The following FBXO36 variants were observed in gnomAD, a reference collection of about 807,000 sequenced individuals.
The protein encoded by FBXO36 is F-box protein 36.
A neutral mutation model predicts 17.0 loss-of-function variants in FBXO36; 18 were observed. The observed-to-expected ratio is 1.06, with a 90% CI of 0.73 to 1.57. The LOEUF is 1.57. FBXO36 is among the 40% of genes most tolerant of loss of function. The pLI is 0.00. For missense variants in FBXO36, 229 were observed against 221.9 expected (o/e 1.03, Z -0.20); for synonymous variants, 83 against 85.3 (o/e 0.97, Z 0.15).
chr2:229,982,028 G>T (rs1455107559), intron 2 of FBXO36, among the ~76,000 whole-genome samples: 8 of 144,466 alleles, frequency 5.5e-5, no homozygotes, highest in East Asian at 2.0e-4. Context: ...TTTTGTTTTT[G>T]TTTTTTTTTT....
chr2:229,945,928 A>G (rs771252640), intron 1 of FBXO36, among the ~76,000 whole-genome samples: 1 of 151,702 alleles, frequency 6.6e-6, no homozygotes, highest in Non-Finnish European at 1.5e-5. Flanking sequence ...AGGCTGAGGC[A>G]GGAGAGTCCC....
intron 1 of FBXO36, among the ~76,000 whole-genome samples, chr2:229,931,918 A>ATTTTTTTT (rs11441584): frequency 1.4e-5 from 2 of 142,770 alleles, no homozygotes; most frequent in Non-Finnish European, 3.0e-5. Context: ...ATATGTGTAT[A>ATTTTTTTT]TATTTTTTTT....
intron 3 of FBXO36, among the ~76,000 whole-genome samples, chr2:230,009,672 C>T (rs554672388): frequency 1.6e-4 from 25 of 152,210 alleles, no homozygotes; most frequent in African/African-American, 5.5e-4. Context: ...CGGCCGGGCA[C>T]GGTGGCTCAC....
At chr2:229,944,071 A>G (rs1378027230) in intron 1 of FBXO36, among the ~76,000 whole-genome samples, 1 of 152,026 alleles carries the variant, frequency 6.6e-6, no homozygotes, top group Non-Finnish European at 1.5e-5. Context: ...ATGATTGTTA[A>G]GTTTCCAGAG....
chr2:229,996,695 A>G (rs1472962181), intron 2 of FBXO36, 56 bp from the exon 3 acceptor site: 1 of 1,513,812 alleles, frequency 6.6e-7, no homozygotes, highest in Non-Finnish European at 8.9e-7. Flanking sequence ...ACTGATTGTT[A>G]TTATAATTTT....
At chr2:229,927,852 G>A (rs985530531) in intron 1 of FBXO36, among the ~76,000 whole-genome samples, 2 of 152,024 alleles carry the variant, frequency 1.3e-5, no homozygotes, top group African/African-American at 2.4e-5. Context: ...AACACCTGAG[G>A]TTGCATGCCA....
At chr2:230,004,678 T>G (rs2077377663) in intron 3 of FBXO36, among the ~76,000 whole-genome samples, 1 of 152,206 alleles carries the variant, frequency 6.6e-6, no homozygotes, top group Non-Finnish European at 1.5e-5. Context: ...ATCTGTTTTT[T>G]TTTCTACTTC....
At chr2:229,932,490 A>C (rs2076943788) in intron 1 of FBXO36, among the ~76,000 whole-genome samples, 1 of 152,034 alleles carries the variant, frequency 6.6e-6, no homozygotes, top group Non-Finnish European at 1.5e-5. Context: ...ATTGCACTCC[A>C]GCCTAGGCAA....
At chr2:230,001,901 T>C (rs1185960151) in intron 3 of FBXO36, among the ~76,000 whole-genome samples, 1 of 152,176 alleles carries the variant, frequency 6.6e-6, no homozygotes, top group Non-Finnish European at 1.5e-5. Context: ...AACTGCAATC[T>C]CCGCCTCCCA....
intron 2 of FBXO36, among the ~76,000 whole-genome samples, chr2:229,996,155 A>G (rs2077326028): frequency 6.6e-6 from 1 of 151,874 alleles, no homozygotes; most frequent in Non-Finnish European, 1.5e-5. Flanking sequence ...GCACACACCA[A>G]TAGTCCCAGC....
intron 1 of FBXO36, among the ~76,000 whole-genome samples, chr2:229,963,445 T>TA (rs1244248792): frequency 8.4e-6 from 1 of 118,654 alleles, no homozygotes; most frequent in East Asian, 2.2e-4. Flanking sequence ...TTCTTTTTTC[T>TA]TTTTTTTTTT....
intron 1 of FBXO36, among the ~76,000 whole-genome samples, chr2:229,925,930 G>A (rs2076909618): frequency 1.3e-5 from 2 of 151,964 alleles, no homozygotes; most frequent in East Asian, 1.9e-4. Flanking sequence ...TTAGTTTCTC[G>A]AAGCTGATCT....
chr2:229,928,207 A>C (rs2076922607), intron 1 of FBXO36, among the ~76,000 whole-genome samples: 1 of 152,246 alleles, frequency 6.6e-6, no homozygotes, highest in Non-Finnish European at 1.5e-5. Context: ...AATACTATCC[A>C]ACTTTTCAAA....
At position 229,944,082 on chromosome 2, in the gene FBXO36, G is replaced by T. The variant is rs1249343251; in HGVS notation, c.96+21473G>T. On this transcript the variant is annotated intron_variant, in intron 1 of 3. Coordinates refer to ENST00000283946, the MANE Select transcript of FBXO36 (RefSeq NM_174899.5). ...CATCATGATTGTTAAGTTTCCAGAG[G>T]CCTCCCCAGCCATGCTTCCTGTACA... is the stretch of plus-strand genomic sequence containing the variant. 1.3e-5 allele frequency among the ~76,000 whole-genome samples: 2 copies of T among 152,062 alleles called. 1 individual carries two copies. Among genetic ancestry groups the T allele is most frequent in the East Asian group, 3.8e-4 (2 of 5,204 alleles).
intron 1 of FBXO36, among the ~76,000 whole-genome samples, chr2:229,923,859 T>G (rs1294713020): frequency 2.1e-5 from 3 of 141,530 alleles, no homozygotes; most frequent in Admixed American, 7.0e-5. Context: ...TTTTTTTTTT[T>G]TTTTTTTTTT....
intron 1 of FBXO36, among the ~76,000 whole-genome samples, chr2:229,946,674 C>A (rs1047184123): frequency 6.6e-6 from 1 of 152,154 alleles, no homozygotes; most frequent in African/African-American, 2.4e-5. Context: ...GAGACAATTT[C>A]TTTTCTAGCA....
At chr2:230,009,191 C>A (rs979670357) in intron 3 of FBXO36, among the ~76,000 whole-genome samples, 2 of 152,036 alleles carry the variant, frequency 1.3e-5, no homozygotes, top group African/African-American at 4.8e-5. Context: ...CACAGGGGGG[C>A]ACAGCACAAC....
intron 1 of FBXO36, among the ~76,000 whole-genome samples, chr2:229,945,919 G>A (rs1326476502): frequency 6.6e-6 from 1 of 151,908 alleles, no homozygotes; most frequent in South Asian, 2.1e-4. Flanking sequence ...CTACTTTGGA[G>A]GCTGAGGCAG....
In FBXO36 at chr2:229,954,234, A is replaced by ATTTTT. The variant is rs60093081; in HGVS notation, c.97-21985_97-21981dup. ...GCAACTGTCATTACAAACCCTTTGG[A>ATTTTT]TTTTTTTTTTTTTTTTTTTTTTTTT... On this transcript the variant is annotated intron_variant, in intron 1 of 3. Transcript: ENST00000283946. Among the ~76,000 whole-genome samples the ATTTTT allele has an allele frequency of 3.8e-3, 272 of 71,362 alleles. 50 individuals carry two copies. The highest frequency in any genetic ancestry group is 0.011 in the African/African-American group (217 of 20,570). The allele number at this position is 71,362 out of a possible 152,430, so 46.8% of individuals were successfully genotyped here. A position where few individuals can be genotyped will look rare whatever the true frequency, so the allele number is the denominator to read the frequency against.
Sources: allele counts gnomAD v4.1 joint callset (sites outside exome capture counted in the v4.1 genomes callset), GRCh38; gene constraint gnomAD v4.1.1; transcripts MANE v1.5; gene names NCBI Gene and HGNC (gene_info 2026-07-23, HGNC 2026-07-21).